Variants in SUN1 observed in about 807,000 individuals in gnomAD.
The protein encoded by SUN1 is Sad1 and UNC84 domain containing 1.
In SUN1, 61 loss-of-function variants were observed where a neutral mutation model predicts 103.2. That is an observed-to-expected ratio of 0.59 (90% CI 0.48 to 0.73). SUN1 has a LOEUF of 0.73. Ranked by LOEUF, SUN1 falls within the 30% of genes least tolerant of loss-of-function variation. SUN1 has a pLI of 0.00. For missense variants in SUN1, 1,052 were observed against 1,034.6 expected (o/e 1.02, Z -0.23); for synonymous variants, 490 against 425.7 (o/e 1.15, Z -1.86).
upstream of SUN1, chr7:832,060 A>G (rs1046669431): frequency 2.0e-6 from 2 of 990,788 alleles, no homozygotes; most frequent in African/African-American, 1.7e-5. Flanking sequence ...AGCTTCAGCC[A>G]TCTAGGAACG....
At chr7:838,497 A>G (rs1398681430) in intron 1 of SUN1, among the ~76,000 whole-genome samples, 1 of 152,182 alleles carries the variant, frequency 6.6e-6, no homozygotes, top group Non-Finnish European at 1.5e-5. Context: ...GTGGGGACTC[A>G]GGGCTCTAGC....
chr7:857,691 T>G (rs982468716), intron 12 of SUN1, 137 bp from the exon 13 acceptor site: 3 of 1,137,760 alleles, frequency 2.6e-6, no homozygotes, highest in South Asian at 2.9e-5. Context: ...AGTTTCCACG[T>G]TAGTGTGGCA....
chr7:843,530 A>G lies in SUN1; in HGVS notation c.658+10A>G, dbSNP rs1368514689. 1.2e-5 allele frequency: 20 copies of G among 1,613,880 alleles called. No homozygotes were observed. Among genetic ancestry groups the G allele is most frequent in the Non-Finnish European group, 1.6e-5 (19 of 1,179,926 alleles). On this transcript the variant is annotated intron_variant, in intron 5 of 18. Transcript: ENST00000401592. ...GACAGGAATCAAAAATGTAAGTCTCAGTCCTTTAAAACTCAGAAAAAGGTG... is the reference window on the plus strand; with the variant it reads ...GACAGGAATCAAAAATGTAAGTCTCGGTCCTTTAAAACTCAGAAAAAGGTG...
At chr7:825,102 A>T (rs1346368948) in intron 1 of SUN1, among the ~76,000 whole-genome samples, 2 of 151,834 alleles carry the variant, frequency 1.3e-5, no homozygotes, top group African/African-American at 4.8e-5. Flanking sequence ...TCGGTCACCC[A>T]GGCTGGAGTG....
At chr7:866,158 C>G in intron 16 of SUN1, 91 bp downstream of exon 16, 1 of 1,074,382 alleles carries the variant, frequency 9.3e-7, no homozygotes, top group Non-Finnish European at 1.4e-6. Flanking sequence ...CATGGAACTT[C>G]GTAAGATGAA....
chr7:856,519 A>G, intron 12 of SUN1, 118 bp downstream of exon 12: 2 of 1,137,904 alleles, frequency 1.8e-6, no homozygotes. Flanking sequence ...GGTCACCTGA[A>G]GGCCCTGAGG....
intron 13 of SUN1, among the ~76,000 whole-genome samples, chr7:859,634 G>A (rs899475599): frequency 7.9e-5 from 12 of 152,312 alleles, no homozygotes; most frequent in African/African-American, 2.2e-4. Flanking sequence ...TCTCCTTCAC[G>A]GTCTGTTGTT....
At chr7:815,713 C>G (rs1228877348), upstream of SUN1, among the ~76,000 whole-genome samples, 3 of 152,262 alleles carry the variant, frequency 2.0e-5, no homozygotes, top group African/African-American at 7.2e-5. Context: ...CCTGCGAATT[C>G]CACGCGGGAA....
intron 1 of SUN1, among the ~76,000 whole-genome samples, chr7:818,880 T>C (rs1783357788): frequency 6.6e-6 from 1 of 151,618 alleles, no homozygotes; most frequent in Non-Finnish European, 1.5e-5. Context: ...CTTTTTTTTT[T>C]TGAGACGGAG....
chr7:853,314 T>C, intron 9 of SUN1, 95 bp from the exon 10 acceptor site: 1 of 1,419,556 alleles, frequency 7.0e-7, no homozygotes, highest in South Asian at 1.2e-5. Context: ...GCCCCAGAGC[T>C]GGCGTCTTGC....
upstream of SUN1, among the ~76,000 whole-genome samples, chr7:816,081 C>A (rs1276351309): frequency 1.3e-5 from 2 of 150,188 alleles, no homozygotes. Context: ...GACGCCCTCC[C>A]CCAGATGCAC....
upstream of SUN1, among the ~76,000 whole-genome samples, chr7:830,196 C>T (rs1305216540): frequency 6.6e-6 from 1 of 152,206 alleles, no homozygotes; most frequent in Non-Finnish European, 1.5e-5. Flanking sequence ...GCCTGTGGCC[C>T]ATGTGGGAGA....
Position 845,178 on chromosome 7 carries a change from A to G in SUN1, c.658+1658A>G, listed in dbSNP as rs147945734. Among the ~76,000 whole-genome samples the G allele has an allele frequency of 3.0e-3, 452 of 152,322 alleles. 5 individuals carry two copies. Among genetic ancestry groups the G allele is most frequent in the African/African-American group, 0.01 (424 of 41,562 alleles). On this transcript the variant is annotated intron_variant, in intron 5 of 18. Transcript: ENST00000401592. ...AAATGTGTGTCTCTCTGTGACTGAC[A>G]GTATGCTGGCGGTCAGGGCCCAAGC...
intron 1 of SUN1, among the ~76,000 whole-genome samples, chr7:820,669 A>G (rs545669978): frequency 3.3e-4 from 51 of 152,318 alleles, no homozygotes; most frequent in African/African-American, 1.2e-3. Context: ...TGAATATGAC[A>G]TTCACTGAGT....
intron 1 of SUN1, 51 bp downstream of exon 1, chr7:832,652 G>A (rs2128226383): frequency 2.7e-6 from 4 of 1,484,136 alleles, no homozygotes; most frequent in Non-Finnish European, 3.7e-6. Flanking sequence ...CCCACTCGCT[G>A]TCGCGGTGGC....
intron 1 of SUN1, among the ~76,000 whole-genome samples, chr7:827,466 GTTTTTTT>G (rs35772182): frequency 7.5e-6 from 1 of 133,248 alleles, no homozygotes; most frequent in Non-Finnish European, 1.6e-5. Flanking sequence ...TCTAAAGTCC[GTTTTTTT>G]TTTTTTTTTT....
chr7:826,669 C>G (rs1014081655), intron 1 of SUN1, among the ~76,000 whole-genome samples: 2 of 152,140 alleles, frequency 1.3e-5, no homozygotes, highest in Non-Finnish European at 2.9e-5. Context: ...TAAACCAAGG[C>G]TTGCGGGATC....
chr7:826,121 C>T (rs1053466744), intron 1 of SUN1, among the ~76,000 whole-genome samples: 8 of 152,036 alleles, frequency 5.3e-5, no homozygotes, highest in Non-Finnish European at 1.0e-4. Flanking sequence ...CCCTGTGGTC[C>T]CAGCACTGTG....
At chr7:865,294 G>T (rs1334810754) in intron 15 of SUN1, among the ~76,000 whole-genome samples, 5 of 151,580 alleles carry the variant, frequency 3.3e-5, no homozygotes, top group African/African-American at 1.2e-4. Flanking sequence ...TTTTAGCAGA[G>T]ATGGGGTTTT....
Sources: gnomAD v4.1 joint callset for allele counts (sites outside exome capture counted in the v4.1 genomes callset) on GRCh38, gnomAD v4.1.1 for gene constraint, MANE v1.5 for transcripts, NCBI Gene and HGNC (gene_info 2026-07-23, HGNC 2026-07-21) for gene names.